ZDHHC5: variants seen among roughly 807,000 people sequenced by gnomAD.
ZDHHC5 encodes the protein palmitoyltransferase ZDHHC5.
ZDHHC5 carries 22 observed loss-of-function variants against 70.0 expected under a neutral mutation model. That is an observed-to-expected ratio of 0.31 (90% CI 0.22 to 0.45). The LOEUF (loss-of-function observed/expected upper bound fraction) is 0.45, where lower values mean the gene tolerates loss of function less well. Ranked by LOEUF, ZDHHC5 falls within the 20% of genes least tolerant of loss-of-function variation. The pLI is 1.00. For synonymous variants in ZDHHC5, 313 were observed against 347.8 expected (o/e 0.90, Z 1.11); for missense variants, 746 against 926.9 (o/e 0.80, Z 2.53).
At position 57,696,025 on chromosome 11, in the gene ZDHHC5, G is replaced by T. The variant is rs765267810; in HGVS notation, c.991G>T (p.Gly331Cys). 6.2e-7 allele frequency: 1 copy of T among 1,613,294 alleles called. No individual in the cohort carries two copies. Among genetic ancestry groups the T allele is most frequent in the East Asian group, 2.2e-5 (1 of 44,862 alleles). Residue 331 changes from glycine to cysteine, a missense_variant, in exon 9 of 12, where the codon GGC becomes TGC. Coordinates refer to ENST00000287169, the MANE Select transcript of ZDHHC5 (RefSeq NM_015457.3). ...SRYTGLRTHL[G>C]LATNEDSSLL... is the part of the protein sequence containing the mutation. ...TTACACAGGGTTGCGAACACACCTC[G>T]GCTTGGCTACTAATGAGGGTAAGGG...
At chr11:57,686,976 G>A (rs1371090708) in intron 3 of ZDHHC5, among the ~76,000 whole-genome samples, 1 of 151,910 alleles carries the variant, frequency 6.6e-6, no homozygotes, top group African/African-American at 2.4e-5. Flanking sequence ...GATTACAGGC[G>A]TGTGCCACCA....
At chr11:57,689,904 T>G in intron 4 of ZDHHC5, 127 bp from the exon 5 acceptor site, 1 of 1,257,242 alleles carries the variant, frequency 8.0e-7, no homozygotes, top group Non-Finnish European at 1.1e-6. Context: ...CAAAATAAAC[T>G]GGATTTAATT....
chr11:57,698,735 C>T lies in ZDHHC5; in HGVS notation c.1299C>T (p.Ala433=), dbSNP rs1469121546. 1 of 1,614,096 alleles carries T rather than the reference C, an allele frequency of 6.2e-7. No individual in the cohort carries two copies. Among genetic ancestry groups the T allele is most frequent in the African/African-American group, 1.3e-5 (1 of 74,932 alleles). ...CACGCTCCTCCAGCCTCAAGTCAGC[C>T]CAGGGCACAGGCTTTGAGCTGGGCC... is the stretch of plus-strand genomic sequence containing the variant. ...SGSRSSSLKS[A]QGTGFELGQL... The change falls in exon 11 of 12, where the codon GCC becomes GCT. Residue 433 remains alanine, a synonymous_variant. Coordinates refer to ENST00000287169, the MANE Select transcript of ZDHHC5 (RefSeq NM_015457.3).
chr11:57,677,741 A>G (rs1210011701), intron 2 of ZDHHC5, among the ~76,000 whole-genome samples: 3 of 152,074 alleles, frequency 2.0e-5, no homozygotes, highest in African/African-American at 4.8e-5. Context: ...GCCGACCTCC[A>G]TGGAGTTCTC....
At chr11:57,674,198 G>GA (rs1172004568) in intron 2 of ZDHHC5, among the ~76,000 whole-genome samples, 2 of 152,078 alleles carry the variant, frequency 1.3e-5, no homozygotes, top group Admixed American at 6.6e-5. Context: ...CAGTTGGTAT[G>GA]AAAAAATTTC....
rs756300466 is a variant in ZDHHC5 at position 57,696,886 on chromosome 11, C to CT, written c.1122+14dup. The CT allele has an allele frequency of 1.1e-5, 17 of 1,612,604 alleles. No individual in the cohort carries two copies. The highest frequency in any genetic ancestry group is 1.3e-5 in the African/African-American group (1 of 75,008). ...CTCCAGCGCCAAGGTACTGAGTACT[C>CT]TAAGAGGTGGGGTAATAACATGCCA... On this transcript the variant is annotated intron_variant, in intron 10 of 11. Coordinates refer to ENST00000287169, the MANE Select transcript of ZDHHC5 (RefSeq NM_015457.3).
chr11:57,689,593 G>A (rs1237329523), intron 4 of ZDHHC5, among the ~76,000 whole-genome samples: 2 of 151,702 alleles, frequency 1.3e-5, no homozygotes, highest in African/African-American at 2.4e-5. Flanking sequence ...GGTCAGGCTG[G>A]TCTTGAACTC....
chr11:57,691,523 TA>T (rs1946284881), intron 6 of ZDHHC5, among the ~76,000 whole-genome samples: 2 of 152,136 alleles, frequency 1.3e-5, no homozygotes, highest in African/African-American at 2.4e-5. Context: ...AACAAAATAA[TA>T]TCTATCTCCA....
chr11:57,687,334 G>A (rs1011466147), intron 3 of ZDHHC5, among the ~76,000 whole-genome samples: 7 of 151,860 alleles, frequency 4.6e-5, no homozygotes, highest in Admixed American at 3.9e-4. Flanking sequence ...ACTTTGGGAA[G>A]CTGAGGCAGG....
Position 57,672,446 on chromosome 11 carries a change from G to A in ZDHHC5, c.-645G>A, listed in dbSNP as rs780989770. On this transcript the variant is annotated 5_prime_UTR_variant, in exon 2 of 12. Transcript: ENST00000287169. ...AGACTACAAGCCCTGGTGAAGTCAG[G>A]GTGTGGGAGTGGTGGCATTGAGAAG... is the stretch of plus-strand genomic sequence containing the variant. 26 of 385,668 alleles carry A rather than the reference G, an allele frequency of 6.7e-5. No individual in the cohort carries two copies. Among genetic ancestry groups the A allele is most frequent in the Non-Finnish European group, 1.1e-4 (23 of 218,598 alleles). 23.9% of individuals were successfully genotyped at this position (385,668 alleles called of 1,614,324 possible).
intron 3 of ZDHHC5, among the ~76,000 whole-genome samples, chr11:57,687,749 T>A (rs1385798990): frequency 1.4e-5 from 2 of 144,802 alleles, no homozygotes; most frequent in Admixed American, 7.2e-5. Context: ...GAAGACATTT[T>A]GGGAAAGTTT....
chr11:57,676,519 G>A (rs1453260241), intron 2 of ZDHHC5, among the ~76,000 whole-genome samples: 2 of 152,150 alleles, frequency 1.3e-5, no homozygotes, highest in African/African-American at 2.4e-5. Flanking sequence ...TTTGGGGGAG[G>A]TCAGGAGATT....
At chr11:57,696,128 G>A in intron 9 of ZDHHC5, 85 bp downstream of exon 9, 1 of 1,513,672 alleles carries the variant, frequency 6.6e-7, no homozygotes, top group Admixed American at 2.3e-5. Flanking sequence ...ACAGGCAAGG[G>A]CTGGGAGATA....
intron 2 of ZDHHC5, 66 bp downstream of exon 2, chr11:57,673,260 C>G: frequency 6.5e-7 from 1 of 1,531,282 alleles, no homozygotes; most frequent in Non-Finnish European, 9.0e-7. Flanking sequence ...GGAGATAACG[C>G]TTTCTCTTGA....
intron 8 of ZDHHC5, among the ~76,000 whole-genome samples, chr11:57,695,057 G>A (rs1946332071): frequency 6.6e-6 from 1 of 152,160 alleles, no homozygotes; most frequent in African/African-American, 2.4e-5. Context: ...GAGGTTGGGA[G>A]CTCGAGACCA....
chr11:57,673,633 C>T (rs928189516), intron 2 of ZDHHC5, among the ~76,000 whole-genome samples: 4 of 152,162 alleles, frequency 2.6e-5, no homozygotes, highest in Non-Finnish European at 5.9e-5. Flanking sequence ...TGCAATGTCG[C>T]GGTCTCGGCT....
chr11:57,699,642 T>C (rs1403010868), intron 11 of ZDHHC5, among the ~76,000 whole-genome samples: 2 of 152,238 alleles, frequency 1.3e-5, no homozygotes, highest in African/African-American at 4.8e-5. Flanking sequence ...AAGTATTTGC[T>C]TGGGAGTAAG....
chr11:57,677,353 C>T (rs1946085569), intron 2 of ZDHHC5, among the ~76,000 whole-genome samples: 2 of 130,032 alleles, frequency 1.5e-5, no homozygotes, highest in Admixed American at 1.9e-4. Flanking sequence ...GTGGTGTGAT[C>T]TCGGCTCACT....
chr11:57,692,782 G>A (rs1006517968), intron 7 of ZDHHC5, 80 bp downstream of exon 7: 3 of 1,463,288 alleles, frequency 2.1e-6, no homozygotes, highest in Admixed American at 3.8e-5. Flanking sequence ...TAAAGGAGGG[G>A]TCTGGTGAGA....
Sources: allele counts gnomAD v4.1 joint callset (sites outside exome capture counted in the v4.1 genomes callset), GRCh38; gene constraint gnomAD v4.1.1; transcripts MANE v1.5; gene names NCBI Gene and HGNC (gene_info 2026-07-23, HGNC 2026-07-21).